The following EVL variants were observed in gnomAD, a reference collection of about 807,000 sequenced individuals.
EVL encodes the protein Enah/Vasp-like.
Under a neutral mutation model 59.6 loss-of-function variants are expected in EVL, and 21 were observed. The ratio of observed to expected loss-of-function variants is 0.35; its 90% confidence interval spans 0.25 to 0.51. EVL has a LOEUF of 0.51. Ranked by LOEUF, EVL falls within the 20% of genes least tolerant of loss-of-function variation. EVL has a pLI of 0.97. For synonymous variants in EVL, 198 were observed against 203.5 expected, an observed-to-expected ratio of 0.97 and a Z score of 0.23; for missense variants, 462 against 546.6, an observed-to-expected ratio of 0.85 and a Z score of 1.54.
At chr14:100,024,909 A>T (rs1371890466) in intron 1 of EVL, among the ~76,000 whole-genome samples, 1 of 151,138 alleles carries the variant, frequency 6.6e-6, no homozygotes, top group African/African-American at 2.4e-5. Context: ...GTCATTCTTG[A>T]CCCCTTTCTC....
intron 3 of EVL, among the ~76,000 whole-genome samples, chr14:100,121,942 T>C (rs3783334): frequency 0.7 from 106,661 of 152,140 alleles, 37,636 homozygotes; most frequent in East Asian, 0.81. Flanking sequence ...GGGACTCAGC[T>C]CCCAGAAGGA....
chr14:99,983,848 T>C lies in EVL; in HGVS notation c.5+11791T>C, dbSNP rs74084702. ...TGACCCTTAGCCTAGCTGAGGGCCC[T>C]TTCCTGTTAATTACCTTTGTGATAT... On this transcript the variant is annotated intron_variant, in intron 1 of 13. Transcript: ENST00000402714. 0.012 allele frequency among the ~76,000 whole-genome samples: 1,753 copies of C among 152,274 alleles called. 81 individuals are homozygous for C. The East Asian group carries it at 0.16, about 14-fold the overall frequency.
intron 1 of EVL, among the ~76,000 whole-genome samples, chr14:100,037,433 T>C (rs982617318): frequency 3.9e-5 from 6 of 152,212 alleles, no homozygotes; most frequent in Non-Finnish European, 7.3e-5. Flanking sequence ...ATCTTCCTTC[T>C]CATATACTCT....
chr14:100,000,778 T>G (rs911819634), intron 1 of EVL, among the ~76,000 whole-genome samples: 1 of 152,182 alleles, frequency 6.6e-6, no homozygotes, highest in Non-Finnish European at 1.5e-5. Flanking sequence ...TCCCTTTTGC[T>G]TAGTGAATTT....
intron 1 of EVL, among the ~76,000 whole-genome samples, chr14:100,003,276 A>G (rs941018725): frequency 1.3e-5 from 2 of 152,236 alleles, no homozygotes; most frequent in South Asian, 2.1e-4. Flanking sequence ...TTTAATTGCT[A>G]TCACTGTTTA....
At chr14:100,008,547 A>G (rs1176804978) in intron 1 of EVL, among the ~76,000 whole-genome samples, 2 of 152,214 alleles carry the variant, frequency 1.3e-5, no homozygotes, top group African/African-American at 2.4e-5. Context: ...TCTGAAGGCA[A>G]CTACTCCTTT....
intron 1 of EVL, among the ~76,000 whole-genome samples, chr14:100,078,837 G>C (rs2062225944): frequency 6.6e-6 from 1 of 152,182 alleles, no homozygotes; most frequent in African/African-American, 2.4e-5. Context: ...GGCAAATGCT[G>C]GTTCACAGTC....
chr14:100,019,793 C>A, intron 1 of EVL: 14 of 1,150,450 alleles, frequency 1.2e-5, no homozygotes, highest in African/African-American at 7.8e-5. Context: ...ACAAAAAAAA[C>A]AGGGTTCTTT....
intron 1 of EVL, among the ~76,000 whole-genome samples, chr14:100,047,227 C>G (rs1217325653): frequency 6.7e-6 from 1 of 149,050 alleles, no homozygotes; most frequent in Non-Finnish European, 1.5e-5. Flanking sequence ...AATCAGAGCC[C>G]TGCAAGTCCT....
At chr14:99,997,333 C>T (rs2060920297) in intron 1 of EVL, among the ~76,000 whole-genome samples, 1 of 152,254 alleles carries the variant, frequency 6.6e-6, no homozygotes, top group African/African-American at 2.4e-5. Context: ...AATTCAGTTT[C>T]TCTTGCTCAG....
intron 1 of EVL, among the ~76,000 whole-genome samples, chr14:100,070,795 T>C (rs559556193): frequency 6.6e-6 from 1 of 152,366 alleles, no homozygotes; most frequent in South Asian, 2.1e-4. Flanking sequence ...GTCCCAAGGC[T>C]GTGCTAAAAC....
At chr14:100,017,212 C>T (rs896961258) in intron 1 of EVL, among the ~76,000 whole-genome samples, 1 of 152,188 alleles carries the variant, frequency 6.6e-6, no homozygotes, top group East Asian at 1.9e-4. Context: ...TGATTTTTCA[C>T]CATTTCTACC....
upstream of EVL, among the ~76,000 whole-genome samples, chr14:100,061,159 G>A (rs193268282): frequency 3.4e-4 from 52 of 152,184 alleles, 1 homozygote; most frequent in East Asian, 8.9e-3. Context: ...CGGAGGCTGA[G>A]GTGGACGGAT....
At chr14:100,122,360 C>G (rs943786480) in intron 3 of EVL, among the ~76,000 whole-genome samples, 6 of 152,160 alleles carry the variant, frequency 3.9e-5, no homozygotes, top group African/African-American at 1.4e-4. Flanking sequence ...GCCTGGCTTC[C>G]CAGCTGTTAC....
rs562048485 is a variant in EVL at position 100,042,082 on chromosome 14, T to C, written c.6-42605T>C. 7.9e-5 allele frequency among the ~76,000 whole-genome samples: 12 copies of C among 152,370 alleles called. No homozygotes were observed. The East Asian group carries it at 2.1e-3, about 27-fold the overall frequency. On this transcript the variant is annotated intron_variant, in intron 1 of 13. Coordinates refer to the EVL transcript ENST00000402714. ...ATTTAAAAAATATATGTGTTTAAAC[T>C]ACTGTATCCATAATATAATTTCAAC...
intron 1 of EVL, among the ~76,000 whole-genome samples, chr14:99,980,330 A>C (rs1020608172): frequency 7.9e-5 from 12 of 152,344 alleles, no homozygotes; most frequent in Middle Eastern, 3.4e-3. Context: ...CCGTGCAGGC[A>C]TCTGGATCCC....
Position 100,114,306 on chromosome 14 carries a change from C to T in EVL, c.359-9233C>T, listed in dbSNP as rs1458518172. Among the ~76,000 whole-genome samples the T allele has an allele frequency of 6.6e-6, 1 of 152,124 alleles. No homozygotes were observed. Among genetic ancestry groups the T allele is most frequent in the Non-Finnish European group, 1.5e-5 (1 of 68,022 alleles). ...ACACTTGCTCCCTTCTGACGCCACA[C>T]CTACCCTGTTCCATCCCATTGCCCA... On this transcript the variant is annotated intron_variant, in intron 3 of 13. Coordinates refer to ENST00000392920, the MANE Select transcript of EVL (RefSeq NM_016337.3). This position sits in a 1 kb window ranked among gnomAD's most constrained non-coding sequence, Gnocchi z 5.0.
chr14:100,136,805 T>G (rs1192346918), intron 9 of EVL, among the ~76,000 whole-genome samples: 1 of 152,178 alleles, frequency 6.6e-6, no homozygotes, highest in Non-Finnish European at 1.5e-5. Flanking sequence ...CCTGTTTGCT[T>G]CTTCCAACAG....
At chr14:100,009,904 TAA>T (rs2061005662) in intron 1 of EVL, among the ~76,000 whole-genome samples, 1 of 152,220 alleles carries the variant, frequency 6.6e-6, no homozygotes, top group Admixed American at 6.5e-5. Context: ...GGAAATTGGT[TAA>T]GTTTATCTGA....
Sources: gnomAD v4.1 joint callset for allele counts (sites outside exome capture counted in the v4.1 genomes callset) on GRCh38, gnomAD v4.1.1 for gene constraint, Gnocchi (gnomAD v3.1) non-coding constraint, MANE v1.5 for transcripts, NCBI Gene and HGNC (gene_info 2026-07-23, HGNC 2026-07-21) for gene names.